The following ZNF682 variants were observed in gnomAD, a reference collection of about 807,000 sequenced individuals.
ZNF682 encodes the protein zinc finger protein 682.
ZNF682 carries 29 observed loss-of-function variants against 36.5 expected under a neutral mutation model. The observed-to-expected ratio is 0.80, with a 90% CI of 0.59 to 1.08. The LOEUF (loss-of-function observed/expected upper bound fraction) is 1.08. ZNF682 is among the 50% of genes least tolerant of loss of function. The pLI is 0.00. For missense variants in ZNF682, 561 were observed against 579.7 expected, an observed-to-expected ratio of 0.97 and a Z score of 0.33; for synonymous variants, 180 against 197.0, an observed-to-expected ratio of 0.91 and a Z score of 0.72.
chr19:20,028,844 G>A (rs2088454947), intron 1 of ZNF682, among the ~76,000 whole-genome samples: 2 of 152,300 alleles, frequency 1.3e-5, no homozygotes, highest in Admixed American at 1.3e-4. Flanking sequence ...GCACACTATA[G>A]AGCATTGTGC....
chr19:20,031,709 G>A (rs1410179758), intron 1 of ZNF682, among the ~76,000 whole-genome samples: 6 of 152,138 alleles, frequency 3.9e-5, no homozygotes, highest in South Asian at 2.1e-4. Flanking sequence ...GTGGGAGGCC[G>A]AGGTGGGCGG....
chr19:20,024,675 T>C (rs1436317359), intron 1 of ZNF682, among the ~76,000 whole-genome samples: 1 of 152,054 alleles, frequency 6.6e-6, no homozygotes, highest in Non-Finnish European at 1.5e-5. Context: ...CTGTCTCTAC[T>C]AGAAATACAA....
chr19:20,028,007 A>G (rs886232197), intron 1 of ZNF682, among the ~76,000 whole-genome samples: 2 of 152,144 alleles, frequency 1.3e-5, no homozygotes, highest in East Asian at 3.9e-4. Context: ...TACATGGGAC[A>G]CTTAATTAAA....
At chr19:20,018,339 C>A (rs1161681598) in intron 3 of ZNF682, among the ~76,000 whole-genome samples, 1 of 151,890 alleles carries the variant, frequency 6.6e-6, no homozygotes, top group East Asian at 1.9e-4. Context: ...CGTGATCCGC[C>A]CGCCTCGGCC....
Position 20,024,293 on chromosome 19 carries a change from A to G in ZNF682, c.87T>C (p.Tyr29=). ...EFLNPAQQSL[Y]RKVMLENYRN... ...TGTAGTTCTCTAGCATCACTTTCCT[A>G]TACAAACTCTGCTGAGCAGGGTTCA... The change falls in exon 2 of 4, where the codon TAT becomes TAC. Residue 29 remains tyrosine, a synonymous_variant. Transcript: ENST00000397165. The G allele has an allele frequency of 6.2e-6, 10 of 1,614,098 alleles. No homozygotes were observed. Among genetic ancestry groups the G allele is most frequent in the Non-Finnish European group, 8.5e-6 (10 of 1,179,958 alleles).
intron 3 of ZNF682, among the ~76,000 whole-genome samples, chr19:20,014,737 G>A (rs536663352): frequency 2.0e-5 from 3 of 147,374 alleles, no homozygotes; most frequent in Non-Finnish European, 3.0e-5. Flanking sequence ...CCGAGATTGC[G>A]CCACTGCATT....
intron 3 of ZNF682, among the ~76,000 whole-genome samples, chr19:19,997,454 G>A (rs948018925): frequency 6.6e-6 from 1 of 152,164 alleles, no homozygotes; most frequent in Admixed American, 6.5e-5. Flanking sequence ...CTGCAAAAAT[G>A]CTTCTACTCC....
At chr19:20,026,538 C>T (rs535157345) in intron 1 of ZNF682, among the ~76,000 whole-genome samples, 2 of 152,202 alleles carry the variant, frequency 1.3e-5, no homozygotes, top group Non-Finnish European at 2.9e-5. Flanking sequence ...GGCATGATCC[C>T]GGCTCACTGC....
intron 1 of ZNF682, among the ~76,000 whole-genome samples, chr19:20,031,599 C>T (rs893262187): frequency 2.0e-5 from 3 of 152,130 alleles, no homozygotes; most frequent in Non-Finnish European, 2.9e-5. Context: ...TAGCATGCTG[C>T]GCAAAACCAG....
At position 20,006,562 on chromosome 19, in the gene ZNF682, T is replaced by G. The variant is rs958304257; in HGVS notation, c.940A>C (p.Lys314Gln). Residue 314 changes from lysine to glutamine, a missense_variant, in exon 4 of 4, where the codon AAA (lysine) becomes CAA (glutamine). Physicochemically the swap from Lys to Gln is moderately conservative, Grantham distance 53. Coordinates refer to ENST00000397165, the MANE Select transcript of ZNF682 (RefSeq NM_033196.3). ...AAGGCTTTCCCACATTCTTTACATT[T>G]GTAGGGTTTCTTTCCAGTGTGAATT... ...KTIHTGKKPY[K>Q]CKECGKAFNH... is the part of the protein sequence containing the mutation. The G allele has an allele frequency of 1.1e-5, 18 of 1,614,010 alleles. No individual in the cohort carries two copies. Among genetic ancestry groups the G allele is most frequent in the Admixed American group, 8.3e-5 (5 of 60,004 alleles).
chr19:19,995,285 C>T (rs554685957), downstream of ZNF682, among the ~76,000 whole-genome samples: 2 of 152,308 alleles, frequency 1.3e-5, no homozygotes, highest in South Asian at 4.1e-4. Flanking sequence ...ACTCACCAGA[C>T]TGTATATATT....
At chr19:20,038,663 T>A (rs920604294) in intron 1 of ZNF682, among the ~76,000 whole-genome samples, 1 of 150,806 alleles carries the variant, frequency 6.6e-6, no homozygotes, top group African/African-American at 2.4e-5. Flanking sequence ...ATTGCTACCT[T>A]AGGGGGAAAC....
At chr19:20,021,232 T>C (rs1599610804) in intron 3 of ZNF682, among the ~76,000 whole-genome samples, 1 of 152,228 alleles carries the variant, frequency 6.6e-6, no homozygotes, top group East Asian at 1.9e-4. Flanking sequence ...ACGTGCTCCA[T>C]ATGCTTAAAT....
At chr19:20,001,449 T>A (rs2088167860), downstream of ZNF682, among the ~76,000 whole-genome samples, 1 of 152,242 alleles carries the variant, frequency 6.6e-6, no homozygotes. Flanking sequence ...TGCATGCACA[T>A]GTCTTTATAA....
chr19:20,033,108 A>G (rs1291100722), intron 1 of ZNF682, among the ~76,000 whole-genome samples: 1 of 152,156 alleles, frequency 6.6e-6, no homozygotes, highest in Admixed American at 6.5e-5. Flanking sequence ...TTTACTAAAA[A>G]TACAAAAAAT....
chr19:20,000,194 T>A (rs192175412), downstream of ZNF682, among the ~76,000 whole-genome samples: 27 of 151,962 alleles, frequency 1.8e-4, no homozygotes, highest in Admixed American at 3.9e-4. Flanking sequence ...CCTTGAAGAG[T>A]CTAACATACT....
At position 20,006,806 on chromosome 19, in the gene ZNF682, T is replaced by C. The variant is rs1267931044; in HGVS notation, c.696A>G (p.Glu232=). 10 of 1,614,016 alleles carry C rather than the reference T, an allele frequency of 6.2e-6. No homozygotes were observed. The highest frequency in any genetic ancestry group is 2.7e-5 in the African/African-American group (2 of 74,934). The change falls in exon 4 of 4, where the codon GAA becomes GAG. Residue 232 remains glutamate (E), a synonymous_variant. Transcript: ENST00000397165. The part of the protein sequence containing the change: ...IHTGEKPYKC[E]ECGKAFNWCS... ...ACCAGTTAAAAGCTTTGCCACATTC[T>C]TCACATTTGTATGGTTTCTCTCCAG...
chr19:20,024,447 G>T, intron 1 of ZNF682, 71 bp from the exon 2 acceptor site: 1 of 1,505,004 alleles, frequency 6.6e-7, no homozygotes. Flanking sequence ...TGAAAAGAGA[G>T]AATTGCTGTG....
downstream of ZNF682, among the ~76,000 whole-genome samples, chr19:19,996,278 T>C (rs769205334): frequency 3.3e-5 from 5 of 152,212 alleles, no homozygotes; most frequent in Non-Finnish European, 5.9e-5. Flanking sequence ...AGTATGGAGA[T>C]TCCTTAAAGA....
Sources: gnomAD v4.1 joint callset for allele counts (sites outside exome capture counted in the v4.1 genomes callset) on GRCh38, gnomAD v4.1.1 for gene constraint, MANE v1.5 for transcripts, NCBI Gene and HGNC (gene_info 2026-07-23, HGNC 2026-07-21) for gene names.